The following PAPPA2 variants were observed in gnomAD, a reference collection of about 807,000 sequenced individuals.
PAPPA2 encodes pappalysin-2.
A neutral mutation model predicts 176.4 loss-of-function variants in PAPPA2; 86 were observed. The ratio of observed to expected loss-of-function variants is 0.49; its 90% CI spans 0.41 to 0.58. The LOEUF is 0.58. Ranked by LOEUF, PAPPA2 falls within the 20% of genes least tolerant of loss-of-function variation. The pLI is 0.00. For synonymous variants in PAPPA2, 809 were observed against 852.2 expected, an observed-to-expected ratio of 0.95 and a Z score of 0.88; for missense variants, 2,073 against 2,256.9, an observed-to-expected ratio of 0.92 and a Z score of 1.65.
chr1:176,473,213 C>A (rs150473223), intron 1 of PAPPA2, among the ~76,000 whole-genome samples: 1 of 152,116 alleles, frequency 6.6e-6, no homozygotes, highest in Non-Finnish European at 1.5e-5. Context: ...CTGTCCTAAC[C>A]CCTGACAACC....
At chr1:176,588,381 T>G (rs1386868809) in intron 2 of PAPPA2, among the ~76,000 whole-genome samples, 1 of 152,242 alleles carries the variant, frequency 6.6e-6, no homozygotes, top group Non-Finnish European at 1.5e-5. Context: ...CTTCCTGTCT[T>G]CCTCTTTGAA....
At chr1:176,545,289 C>T (rs534414234) in intron 1 of PAPPA2, among the ~76,000 whole-genome samples, 1 of 152,040 alleles carries the variant, frequency 6.6e-6, no homozygotes, top group Non-Finnish European at 1.5e-5. Flanking sequence ...CTTTGTCTCC[C>T]CTATCACTTA....
rs1010464828 is a variant in PAPPA2 at position 176,556,229 on chromosome 1, A to G, written c.-94A>G. 5.9e-5 allele frequency: 82 copies of G among 1,393,588 alleles called. No individual in the cohort carries two copies. The Admixed American group carries it at 1.3e-3, about 23-fold the overall frequency. 86.3% of individuals were successfully genotyped at this position (1,393,588 alleles called of 1,614,324 possible). ...AAAACAGTTTCCCTGGTGACTGCAA[A>G]TCCATTGCTAGCTGCCTCTTTCTCG... On this transcript the variant is annotated 5_prime_UTR_variant, in exon 2 of 23. Coordinates refer to ENST00000367662, the MANE Select transcript of PAPPA2 (RefSeq NM_020318.3).
chr1:176,466,586 T>G (rs778619222), intron 1 of PAPPA2, among the ~76,000 whole-genome samples: 17 of 152,166 alleles, frequency 1.1e-4, no homozygotes, highest in Non-Finnish European at 2.2e-4. Flanking sequence ...AGGAATCTGA[T>G]GAGTGCTTTA....
At chr1:176,620,004 G>A (rs1204589462) in intron 3 of PAPPA2, among the ~76,000 whole-genome samples, 2 of 152,158 alleles carry the variant, frequency 1.3e-5, no homozygotes, top group Non-Finnish European at 2.9e-5. Flanking sequence ...CATAATATAG[G>A]TGGCTTATAA....
At chr1:176,584,111 C>A (rs1350864153) in intron 2 of PAPPA2, among the ~76,000 whole-genome samples, 1 of 152,154 alleles carries the variant, frequency 6.6e-6, no homozygotes, top group African/African-American at 2.4e-5. Context: ...GTTACATGTA[C>A]TGATAAAAAG....
intron 1 of PAPPA2, among the ~76,000 whole-genome samples, chr1:176,550,837 T>C (rs945234981): frequency 1.3e-5 from 2 of 152,200 alleles, no homozygotes; most frequent in African/African-American, 4.8e-5. Flanking sequence ...CTGAGTGTTA[T>C]GTGATTCTGA....
intron 3 of PAPPA2, among the ~76,000 whole-genome samples, chr1:176,650,681 A>C (rs1258898619): frequency 6.6e-6 from 1 of 151,468 alleles, no homozygotes; most frequent in African/African-American, 2.4e-5. Flanking sequence ...TATGTCTTTT[A>C]ATTGTAGAAT....
chr1:176,695,315 C>T (rs1660324706), intron 6 of PAPPA2, among the ~76,000 whole-genome samples: 1 of 152,164 alleles, frequency 6.6e-6, no homozygotes, highest in South Asian at 2.1e-4. Context: ...CATAAGGACA[C>T]ATATGGCTAA....
intron 4 of PAPPA2, among the ~76,000 whole-genome samples, chr1:176,682,994 C>T (rs1210761803): frequency 2.0e-5 from 3 of 150,564 alleles, no homozygotes; most frequent in Non-Finnish European, 4.4e-5. Flanking sequence ...ATCCTTTTCT[C>T]AAGTTGCCCA....
chr1:176,841,932 A>G (rs1052847290), intron 22 of PAPPA2, among the ~76,000 whole-genome samples: 3 of 152,092 alleles, frequency 2.0e-5, no homozygotes, highest in Non-Finnish European at 4.4e-5. Flanking sequence ...AAGTCACCCC[A>G]CATCTCTTGC....
intron 21 of PAPPA2, among the ~76,000 whole-genome samples, chr1:176,835,982 G>A (rs561882262): frequency 6.6e-6 from 1 of 152,256 alleles, no homozygotes; most frequent in East Asian, 1.9e-4. Flanking sequence ...CCCAGGATAT[G>A]TGGGCACAAT....
chr1:176,621,144 A>G (rs991851289), intron 3 of PAPPA2, among the ~76,000 whole-genome samples: 3 of 152,232 alleles, frequency 2.0e-5, no homozygotes, highest in Non-Finnish European at 2.9e-5. Flanking sequence ...ACAGGTAAGA[A>G]TGTTGCTTCA....
At chr1:176,478,831 A>G (rs550817930) in intron 1 of PAPPA2, among the ~76,000 whole-genome samples, 50 of 152,294 alleles carry the variant, frequency 3.3e-4, no homozygotes, top group African/African-American at 1.1e-3. Context: ...CCTCATTTAT[A>G]TTCATGTATG....
intron 1 of PAPPA2, among the ~76,000 whole-genome samples, chr1:176,542,668 G>A (rs1352150093): frequency 6.6e-6 from 1 of 152,172 alleles, no homozygotes; most frequent in African/African-American, 2.4e-5. Flanking sequence ...GAATGGGTAG[G>A]AGGACATCTG....
chr1:176,759,340 G>A (rs551360243), intron 14 of PAPPA2, among the ~76,000 whole-genome samples: 25 of 152,140 alleles, frequency 1.6e-4, no homozygotes, highest in Non-Finnish European at 2.5e-4. Context: ...TTTAATACAA[G>A]AAATTTGAGT....
chr1:176,670,001 C>T (rs1482782745), intron 3 of PAPPA2, among the ~76,000 whole-genome samples: 2 of 152,120 alleles, frequency 1.3e-5, no homozygotes, highest in African/African-American at 2.4e-5. Flanking sequence ...GTGATAGGAA[C>T]ATTCCTATCT....
chr1:176,686,409 G>A (rs1003581053), intron 4 of PAPPA2, among the ~76,000 whole-genome samples: 1 of 152,094 alleles, frequency 6.6e-6, no homozygotes, highest in African/African-American at 2.4e-5. Flanking sequence ...AAGGGAAACT[G>A]CCCCCATGAT....
Position 176,594,338 on chromosome 1 carries a change from G to A in PAPPA2, c.920-186G>A, listed in dbSNP as rs79098465. The stretch of plus-strand genomic sequence containing the variant: ...TCTCAAATCATTCCTTTTGGGGATA[G>A]GATATGCCAGAACGGCCTGATATAG... On this transcript the variant is annotated intron_variant, in intron 2 of 22. Coordinates refer to ENST00000367662, the MANE Select transcript of PAPPA2 (RefSeq NM_020318.3). Among the ~76,000 whole-genome samples the A allele has an allele frequency of 5.7e-3, 872 of 152,362 alleles. 4 individuals carry two copies. The highest frequency in any genetic ancestry group is 8.8e-3 in the Non-Finnish European group (599 of 68,034).
Sources: allele counts gnomAD v4.1 joint callset (sites outside exome capture counted in the v4.1 genomes callset), GRCh38; gene constraint gnomAD v4.1.1; transcripts MANE v1.5; gene names NCBI Gene and HGNC (gene_info 2026-07-23, HGNC 2026-07-21).